MACROD2: variants seen among roughly 807,000 people sequenced by gnomAD.
MACROD2 encodes the protein mono-ADP ribosylhydrolase 2, also known as ADP-ribose glycohydrolase MACROD2.
MACROD2 carries 36 observed loss-of-function variants against 70.4 expected under a neutral mutation model. The observed-to-expected ratio is 0.51, with a 90% CI of 0.39 to 0.68. The LOEUF is 0.68. MACROD2 is among the 30% of genes least tolerant of loss of function. MACROD2 has a pLI of 0.00. For synonymous variants in MACROD2, 172 were observed against 178.8 expected, an observed-to-expected ratio of 0.96 and a Z score of 0.30; for missense variants, 496 against 538.4, an observed-to-expected ratio of 0.92 and a Z score of 0.78.
Position 14,869,925 on chromosome 20 carries a change from A to C in MACROD2, c.418+184966A>C, listed in dbSNP as rs375650435. 7.2e-5 allele frequency among the ~76,000 whole-genome samples: 11 copies of C among 152,260 alleles called. No homozygotes were observed. In the East Asian group the frequency reaches 7.7e-4, roughly 11 times the overall value. ...AACTGCACCATACAACCATTCAGGA[A>C]CCAGGGCTCATGGAGGCTCTGCTAT... is the stretch of plus-strand genomic sequence containing the variant. On this transcript the variant is annotated intron_variant, in intron 5 of 17. Transcript: ENST00000684519.
intron 3 of MACROD2, among the ~76,000 whole-genome samples, chr20:14,346,746 G>A (rs994856725): frequency 1.3e-5 from 2 of 152,124 alleles, no homozygotes; most frequent in Non-Finnish European, 2.9e-5. Context: ...GGAGTAAGAA[G>A]GAGAAGGTAG....
At chr20:15,331,052 A>G (rs1347745246) in intron 6 of MACROD2, among the ~76,000 whole-genome samples, 3 of 150,960 alleles carry the variant, frequency 2.0e-5, no homozygotes, top group Non-Finnish European at 4.4e-5. Context: ...ACATCTTCTT[A>G]ATATGAAAAA....
intron 6 of MACROD2, among the ~76,000 whole-genome samples, chr20:15,243,359 G>C (rs1478752052): frequency 6.6e-6 from 1 of 152,124 alleles, no homozygotes; most frequent in Non-Finnish European, 1.5e-5. Context: ...AAGAACTGAG[G>C]CAAAATACCT....
chr20:15,888,077 C>A (rs1467472772), intron 10 of MACROD2, among the ~76,000 whole-genome samples: 2 of 152,094 alleles, frequency 1.3e-5, no homozygotes, highest in Non-Finnish European at 2.9e-5. Context: ...TGTCTTTCTT[C>A]CCTACTCCTC....
At chr20:15,418,200 C>T (rs379166) in intron 6 of MACROD2, among the ~76,000 whole-genome samples, 74,325 of 152,088 alleles carry the variant, frequency 0.49, 20,036 homozygotes, top group African/African-American at 0.72. Flanking sequence ...ATGAAGCCCA[C>T]GGAAGCTGTA....
At chr20:14,000,327 T>C (rs1185501493) in intron 1 of MACROD2, among the ~76,000 whole-genome samples, 2 of 152,210 alleles carry the variant, frequency 1.3e-5, no homozygotes, top group Non-Finnish European at 2.9e-5. Flanking sequence ...TACCTTTTTT[T>C]TTTGTCTCCT....
rs1418494276 is a variant in MACROD2 at position 15,321,089 on chromosome 20, C to A, written c.540+91028C>A. ...CCTGGCAGCTTCTGCAAAGTTGTTT[C>A]AAAATGCATGCCATCCTGATGACAG... On this transcript the variant is annotated intron_variant, in intron 6 of 17. Transcript: ENST00000684519. Among the ~76,000 whole-genome samples, 9 of 103,834 alleles carry A rather than the reference C, an allele frequency of 8.7e-5. 1 individual carries two copies. The highest frequency in any genetic ancestry group is 8.5e-4 in the Admixed American group (9 of 10,632). 68.1% of individuals were successfully genotyped at this position (103,834 alleles called of 152,430 possible). A position where few individuals can be genotyped will look rare whatever the true frequency, so the allele number is the denominator to read the frequency against.
At chr20:15,279,768 T>A (rs904245094) in intron 6 of MACROD2, among the ~76,000 whole-genome samples, 29 of 152,352 alleles carry the variant, frequency 1.9e-4, no homozygotes, top group African/African-American at 7.0e-4. Context: ...TAACATCTTT[T>A]AAGCATCTAC....
At chr20:14,916,744 A>T (rs1279143093) in intron 5 of MACROD2, among the ~76,000 whole-genome samples, 2 of 152,116 alleles carry the variant, frequency 1.3e-5, no homozygotes, top group Non-Finnish European at 2.9e-5. Context: ...AAAGCATCTT[A>T]ATCAGGAGGA....
intron 8 of MACROD2, among the ~76,000 whole-genome samples, chr20:15,551,346 A>AAC (rs2048093539): frequency 1.3e-5 from 2 of 151,224 alleles, no homozygotes; most frequent in South Asian, 4.3e-4. Flanking sequence ...TTAAAAAAAA[A>AAC]AAAAAACTAC....
At chr20:15,876,109 A>ATGTATATATATATATATATATATATG (rs202176741) in intron 9 of MACROD2, among the ~76,000 whole-genome samples, 1 of 124,466 alleles carries the variant, frequency 8.0e-6, no homozygotes, top group African/African-American at 3.8e-5. Context: ...ATATATATAT[A>ATGTATATATATATATATATATATATG]TATGTGTGTA....
intron 2 of MACROD2, among the ~76,000 whole-genome samples, chr20:14,076,099 T>G (rs2053912973): frequency 6.6e-6 from 1 of 152,250 alleles, no homozygotes; most frequent in Non-Finnish European, 1.5e-5. Context: ...TTACTTTGTT[T>G]ACTTGATTAA....
chr20:15,165,841 G>A (rs533238269), intron 5 of MACROD2, among the ~76,000 whole-genome samples: 98 of 152,006 alleles, frequency 6.4e-4, no homozygotes, highest in African/African-American at 2.2e-3. Context: ...TAATTTTACC[G>A]TATCAAAAAT....
At chr20:14,717,840 T>C (rs568409019) in intron 5 of MACROD2, among the ~76,000 whole-genome samples, 1 of 152,182 alleles carries the variant, frequency 6.6e-6, no homozygotes, top group African/African-American at 2.4e-5. Context: ...GAAGTGACTG[T>C]GGACTTAGCA....
intron 8 of MACROD2, among the ~76,000 whole-genome samples, chr20:15,791,974 G>A (rs560619286): frequency 2.0e-5 from 3 of 151,894 alleles, no homozygotes; most frequent in Admixed American, 6.6e-5. Flanking sequence ...GAAATGTTTC[G>A]AAAAGGAAAA....
chr20:15,996,209 G>C (rs542704896), intron 15 of MACROD2, among the ~76,000 whole-genome samples: 3 of 151,914 alleles, frequency 2.0e-5, no homozygotes, highest in African/African-American at 7.2e-5. Flanking sequence ...CCTAACAAGT[G>C]TAAGGTCATA....
intron 8 of MACROD2, among the ~76,000 whole-genome samples, chr20:15,544,521 C>G (rs368065961): frequency 1.6e-4 from 25 of 152,182 alleles, no homozygotes; most frequent in East Asian, 1.2e-3. Context: ...GATTAGATTT[C>G]CTGGCATGTT....
chr20:15,306,854 T>G (rs983629616), intron 6 of MACROD2, among the ~76,000 whole-genome samples: 1 of 152,102 alleles, frequency 6.6e-6, no homozygotes, highest in Non-Finnish European at 1.5e-5. Flanking sequence ...ACTGGATAAT[T>G]TATTAAAAAA....
intron 5 of MACROD2, among the ~76,000 whole-genome samples, chr20:14,874,992 G>T (rs1033002395): frequency 1.3e-5 from 2 of 151,778 alleles, no homozygotes; most frequent in Non-Finnish European, 1.5e-5. Flanking sequence ...GGCATGAGCC[G>T]CTGCACCTGG....
Sources: allele counts gnomAD v4.1 joint callset (sites outside exome capture counted in the v4.1 genomes callset), GRCh38; gene constraint gnomAD v4.1.1; transcripts MANE v1.5; gene names NCBI Gene and HGNC (gene_info 2026-07-23, HGNC 2026-07-21).